PTPRK: variants seen among roughly 807,000 people sequenced by gnomAD.
PTPRK encodes the protein receptor-type tyrosine-protein phosphatase kappa.
In PTPRK, 75 loss-of-function variants were observed where a neutral mutation model predicts 178.0. That is an observed-to-expected ratio of 0.42 (90% CI 0.35 to 0.51). The LOEUF is 0.51. Ranked by LOEUF, PTPRK falls within the 20% of genes least tolerant of loss-of-function variation. The probability of loss-of-function intolerance (pLI) is 0.02; values close to 1 mark genes in which losing one functional copy is unlikely to be tolerated. For missense variants in PTPRK, 1,441 were observed against 1,797.8 expected, an observed-to-expected ratio of 0.80 and a Z score of 3.59; for synonymous variants, 637 against 620.6, an observed-to-expected ratio of 1.03 and a Z score of -0.39.
chr6:128,493,149 C>T (rs1229918815), intron 1 of PTPRK, among the ~76,000 whole-genome samples: 1 of 152,140 alleles, frequency 6.6e-6, no homozygotes, highest in African/African-American at 2.4e-5. Context: ...CCAGCATTCA[C>T]CTCCTTTACT....
intron 1 of PTPRK, 48 bp from the exon 2 acceptor site, chr6:128,397,736 C>A: frequency 6.3e-7 from 1 of 1,584,562 alleles, no homozygotes; most frequent in Non-Finnish European, 8.7e-7. Flanking sequence ...ATTTTCCAAA[C>A]ATAACGAAAG....
At chr6:128,343,976 G>A (rs985699947) in intron 2 of PTPRK, among the ~76,000 whole-genome samples, 8 of 152,258 alleles carry the variant, frequency 5.3e-5, no homozygotes, top group East Asian at 1.9e-4. Flanking sequence ...AGTGATTTTC[G>A]TAACACTTCC....
intron 2 of PTPRK, among the ~76,000 whole-genome samples, chr6:128,370,486 AG>A (rs1836121557): frequency 6.6e-6 from 1 of 152,020 alleles, no homozygotes; most frequent in Non-Finnish European, 1.5e-5. Flanking sequence ...ATTTTTTCAT[AG>A]TAATATTATT....
chr6:128,396,858 C>T (rs938408891), intron 2 of PTPRK, among the ~76,000 whole-genome samples: 5 of 151,948 alleles, frequency 3.3e-5, no homozygotes, highest in African/African-American at 4.8e-5. Context: ...ATTAGCTGGG[C>T]GTGGCAGTGC....
At chr6:128,397,224 C>T (rs867155009) in intron 2 of PTPRK, among the ~76,000 whole-genome samples, 3 of 152,034 alleles carry the variant, frequency 2.0e-5, no homozygotes, top group East Asian at 1.9e-4. Flanking sequence ...TGAATAACTA[C>T]GAAAAGAGCT....
intron 7 of PTPRK, among the ~76,000 whole-genome samples, chr6:128,102,127 CTAATA>C (rs1238385938): frequency 2.6e-5 from 4 of 152,114 alleles, no homozygotes; most frequent in African/African-American, 9.7e-5. Flanking sequence ...AAACAAGCAA[CTAATA>C]TGTTTGCAAT....
intron 7 of PTPRK, among the ~76,000 whole-genome samples, chr6:128,129,935 T>G: frequency 6.6e-6 from 1 of 152,276 alleles, no homozygotes; most frequent in East Asian, 1.9e-4. Context: ...CTCTATATCT[T>G]TTATGTTTAA....
intron 1 of PTPRK, among the ~76,000 whole-genome samples, chr6:128,513,341 T>C (rs1857444171): frequency 1.3e-5 from 2 of 151,506 alleles, no homozygotes; most frequent in South Asian, 4.2e-4. Context: ...AAAAATTAGC[T>C]GGGCATGGTG....
chr6:128,517,781 ATGAG>A (rs1858306316), intron 1 of PTPRK, among the ~76,000 whole-genome samples: 1 of 152,222 alleles, frequency 6.6e-6, no homozygotes, highest in Non-Finnish European at 1.5e-5. Context: ...ACTGATCTTA[ATGAG>A]TATGATTTGA....
At chr6:128,493,863 G>C (rs1234204055) in intron 1 of PTPRK, among the ~76,000 whole-genome samples, 2 of 152,124 alleles carry the variant, frequency 1.3e-5, no homozygotes, top group African/African-American at 2.4e-5. Context: ...GATACAGCCA[G>C]TAACTCTGTC....
In PTPRK at chr6:128,184,337, A is replaced by G. The variant is rs1802413363; in HGVS notation, c.1162+95T>C. 11 of 1,198,922 alleles carry G rather than the reference A, an allele frequency of 9.2e-6. No individual in the cohort carries two copies. The South Asian group carries it at 1.6e-4, about 18-fold the overall frequency. The allele number at this position is 1,198,922 out of a possible 1,614,324, so 74.3% of individuals were successfully genotyped here. ...ACTCTTAATAGTGTGACTATATCATATATCAAATAATGAGAACCTTCAACA... is the reference window on the plus strand; with the variant it reads ...ACTCTTAATAGTGTGACTATATCATGTATCAAATAATGAGAACCTTCAACA... On this transcript the variant is annotated intron_variant, in intron 7 of 29. Coordinates refer to ENST00000368226, the MANE Select transcript of PTPRK (RefSeq NM_002844.4).
At chr6:128,069,099 T>G (rs534963467) in intron 11 of PTPRK, among the ~76,000 whole-genome samples, 1 of 152,160 alleles carries the variant, frequency 6.6e-6, no homozygotes, top group Admixed American at 6.6e-5. Flanking sequence ...TCTTCATAGA[T>G]TAAACAAAAG....
At chr6:128,241,388 G>A in intron 4 of PTPRK, 1 of 494,874 alleles carries the variant, frequency 2.0e-6, no homozygotes, top group Non-Finnish European at 4.1e-6. Context: ...CAGGGGAAGA[G>A]CCAAGCAATC....
chr6:128,498,459 C>A (rs1489304415), intron 1 of PTPRK, among the ~76,000 whole-genome samples: 2 of 152,196 alleles, frequency 1.3e-5, no homozygotes, highest in African/African-American at 4.8e-5. Flanking sequence ...CCTTCCTCTA[C>A]TTTATTTGCA....
intron 1 of PTPRK, among the ~76,000 whole-genome samples, chr6:128,425,079 CTTT>C (rs1157646907): frequency 4.5e-5 from 6 of 134,044 alleles, no homozygotes; most frequent in Non-Finnish European, 9.6e-5. Context: ...AATGTGTAGT[CTTT>C]TTTTTTTTTT....
At chr6:128,186,678 A>T (rs1330362082) in intron 6 of PTPRK, among the ~76,000 whole-genome samples, 1 of 152,100 alleles carries the variant, frequency 6.6e-6, no homozygotes, top group Admixed American at 6.6e-5. Flanking sequence ...CTTATCAACT[A>T]TGAAAGACAG....
chr6:128,307,134 A>G (rs931842603), intron 3 of PTPRK, among the ~76,000 whole-genome samples: 2 of 148,600 alleles, frequency 1.3e-5, no homozygotes, highest in Non-Finnish European at 1.5e-5. Flanking sequence ...AGGCAGATAG[A>G]AGGCTCAGAG....
intron 7 of PTPRK, among the ~76,000 whole-genome samples, chr6:128,105,035 C>T (rs1789447098): frequency 6.6e-6 from 1 of 151,828 alleles, no homozygotes; most frequent in African/African-American, 2.4e-5. Context: ...TTTTAATTGC[C>T]TTTTATTGTT....
intron 2 of PTPRK, among the ~76,000 whole-genome samples, chr6:128,350,945 C>T (rs1437851795): frequency 6.6e-6 from 1 of 152,206 alleles, no homozygotes; most frequent in African/African-American, 2.4e-5. Context: ...AAGTTTACTT[C>T]AACTCTTCTT....
Sources: allele counts gnomAD v4.1 joint callset (sites outside exome capture counted in the v4.1 genomes callset), GRCh38; gene constraint gnomAD v4.1.1; transcripts MANE v1.5; gene names NCBI Gene and HGNC (gene_info 2026-07-23, HGNC 2026-07-21).